NOX4: variants seen among roughly 807,000 people sequenced by gnomAD.
NOX4 encodes the protein NADPH oxidase 4.
NOX4 carries 69 observed loss-of-function variants against 87.6 expected under a neutral mutation model. The ratio of observed to expected loss-of-function variants is 0.79; its 90% CI spans 0.65 to 0.96. NOX4 has a LOEUF of 0.96. Ranked by LOEUF, NOX4 falls within the 40% of genes least tolerant of loss-of-function variation. The pLI is 0.00. For missense variants in NOX4, 680 were observed against 681.5 expected, an observed-to-expected ratio of 1.00 and a Z score of 0.02; for synonymous variants, 275 against 238.2, an observed-to-expected ratio of 1.15 and a Z score of -1.42.
At chr11:89,525,157 T>C in the NOX4 span, among the ~76,000 whole-genome samples, 15 of 152,248 alleles carry the variant, frequency 9.9e-5, no homozygotes, top group African/African-American at 3.4e-4. Context: ...AAAGCTGTTA[T>C]GAACATTTGT....
intron 8 of NOX4, among the ~76,000 whole-genome samples, chr11:89,419,645 T>C (rs1942981341): frequency 6.6e-6 from 1 of 151,864 alleles, no homozygotes; most frequent in South Asian, 2.1e-4. Context: ...TGATTGATTA[T>C]ATATAATTCA....
the NOX4 span, among the ~76,000 whole-genome samples, chr11:89,532,853 C>T: frequency 2.0e-5 from 3 of 152,106 alleles, no homozygotes; most frequent in African/African-American, 7.2e-5. Context: ...CTCATGCGAT[C>T]TGATGGTTTA....
At chr11:89,582,644 T>C in the NOX4 span, among the ~76,000 whole-genome samples, 1 of 152,192 alleles carries the variant, frequency 6.6e-6, no homozygotes, top group Non-Finnish European at 1.5e-5. Context: ...GTGACATGTC[T>C]GTGACCCCAG....
intron 2 of NOX4, among the ~76,000 whole-genome samples, chr11:89,476,644 A>G (rs1946180411): frequency 6.6e-6 from 1 of 152,176 alleles, no homozygotes; most frequent in African/African-American, 2.4e-5. Flanking sequence ...AATACCATAT[A>G]ATAATTATAT....
chr11:89,445,321 C>G (rs924102081), intron 4 of NOX4, among the ~76,000 whole-genome samples: 5 of 151,786 alleles, frequency 3.3e-5, no homozygotes, highest in Non-Finnish European at 5.9e-5. Flanking sequence ...ATGTAGAGGG[C>G]TTAGAGTTCT....
intron 7 of NOX4, among the ~76,000 whole-genome samples, chr11:89,429,185 G>T (rs940018281): frequency 6.6e-6 from 1 of 152,146 alleles, no homozygotes; most frequent in African/African-American, 2.4e-5. Context: ...CAACATACCA[G>T]AATCTCTGGG....
At chr11:89,350,753 G>T (rs542129714) in intron 13 of NOX4, among the ~76,000 whole-genome samples, 1 of 152,220 alleles carries the variant, frequency 6.6e-6, no homozygotes, top group Admixed American at 6.5e-5. Context: ...ATGTTACAAA[G>T]CTACAAATTC....
chr11:89,491,298 G>A lies in NOX4; in HGVS notation c.-52C>T, dbSNP rs113757328. Reference sequence around the variant, plus strand: ...TGTGCCCGCCGGACCGAGAAGGAGCGGGCGGCGGCCGGGGCAGCGGTTACA... The same window carrying A: ...TGTGCCCGCCGGACCGAGAAGGAGCAGGCGGCGGCCGGGGCAGCGGTTACA... On this transcript the variant is annotated 5_prime_UTR_variant, in exon 1 of 18. Coordinates refer to ENST00000263317, the MANE Select transcript of NOX4 (RefSeq NM_016931.5). 2,532 of 1,559,104 alleles carry A rather than the reference G, an allele frequency of 1.6e-3. 47 individuals carry two copies. In the African/African-American group the frequency reaches 0.029, roughly 18 times the overall value.
chr11:89,559,026 C>G, the NOX4 span, among the ~76,000 whole-genome samples: 3 of 152,110 alleles, frequency 2.0e-5, no homozygotes, highest in Admixed American at 6.6e-5. Context: ...TTTGCCTGAT[C>G]ACCAAACTTA....
At chr11:89,438,456 TACA>T (rs1944209088) in intron 6 of NOX4, among the ~76,000 whole-genome samples, 1 of 85,290 alleles carries the variant, frequency 1.2e-5, no homozygotes, top group African/African-American at 6.5e-5. Flanking sequence ...TTATATAATA[TACA>T]GCATATATAT....
the NOX4 span, among the ~76,000 whole-genome samples, chr11:89,574,072 GT>G: frequency 1.3e-5 from 2 of 152,152 alleles, no homozygotes; most frequent in Admixed American, 1.3e-4. Flanking sequence ...GCTTTGGATG[GT>G]AAGGAGGTTG....
chr11:89,400,124 T>A, intron 10 of NOX4, 45 bp from the exon 11 acceptor site: 1 of 1,575,056 alleles, frequency 6.3e-7, no homozygotes, highest in Non-Finnish European at 8.7e-7. Flanking sequence ...CAATTAAGAA[T>A]TTCAACTATT....
chr11:89,424,713 A>T (rs1393909578), intron 7 of NOX4, among the ~76,000 whole-genome samples: 1 of 152,078 alleles, frequency 6.6e-6, no homozygotes, highest in Non-Finnish European at 1.5e-5. Flanking sequence ...TATTCCTGTC[A>T]TCTAATAACG....
chr11:89,537,800 G>T, the NOX4 span, among the ~76,000 whole-genome samples: 3 of 152,046 alleles, frequency 2.0e-5, no homozygotes, highest in Non-Finnish European at 4.4e-5. Flanking sequence ...ACTTTGTCCA[G>T]ATTTTTAACA....
rs140442633 is a variant in NOX4, at chr11:89,432,672, C to T, written c.548+112G>A. ...ACAGCTATACTTCACTCTTACTTAC[C>T]CAGAATAGTCCATTAACCAGGACAC... On this transcript the variant is annotated intron_variant, in intron 7 of 17. Coordinates refer to ENST00000263317, the MANE Select transcript of NOX4 (RefSeq NM_016931.5). The T allele has an allele frequency of 3.4e-4, 245 of 729,756 alleles. 2 individuals are homozygous for T. In the African/African-American group the frequency reaches 3.5e-3, roughly 10 times the overall value. The allele number at this position is 729,756 out of a possible 1,614,324, so 45.2% of individuals were successfully genotyped here.
intron 6 of NOX4, among the ~76,000 whole-genome samples, chr11:89,435,042 T>C (rs1354162753): frequency 1.3e-5 from 2 of 152,120 alleles, no homozygotes; most frequent in Non-Finnish European, 2.9e-5. Context: ...CTTTTGATGA[T>C]GGTTCCACTA....
chr11:89,413,887 A>G (rs1942620553), intron 8 of NOX4, among the ~76,000 whole-genome samples: 1 of 152,126 alleles, frequency 6.6e-6, no homozygotes, highest in Non-Finnish European at 1.5e-5. Context: ...CATGTATCCC[A>G]TAAACATATA....
At chr11:89,470,615 C>T (rs1407181240) in intron 2 of NOX4, among the ~76,000 whole-genome samples, 1 of 152,108 alleles carries the variant, frequency 6.6e-6, no homozygotes, top group African/African-American at 2.4e-5. Flanking sequence ...TCTCTCTATT[C>T]CACCACTTCA....
chr11:89,443,998 A>G (rs1173001331), intron 5 of NOX4, 137 bp downstream of exon 5: 3 of 673,282 alleles, frequency 4.5e-6, no homozygotes, highest in Non-Finnish European at 2.6e-6. Flanking sequence ...GAAAAGGAAT[A>G]AAGCTCAACT....
Sources: allele counts gnomAD v4.1 joint callset (sites outside exome capture counted in the v4.1 genomes callset), GRCh38; gene constraint gnomAD v4.1.1; transcripts MANE v1.5; gene names NCBI Gene and HGNC (gene_info 2026-07-23, HGNC 2026-07-21).